Variants in DDX31 observed in about 807,000 individuals in gnomAD.
The protein encoded by DDX31 is DEAD-box helicase 31.
In DDX31, 70 loss-of-function variants were observed where a neutral mutation model predicts 91.3. The ratio of observed to expected loss-of-function variants is 0.77; its 90% CI spans 0.63 to 0.94. The LOEUF (loss-of-function observed/expected upper bound fraction) is 0.94, where lower values mean the gene tolerates loss of function less well. Among genes scored for constraint, DDX31 ranks in the 40% least tolerant of loss-of-function variants. The pLI is 0.00. For missense variants in DDX31, 902 were observed against 925.0 expected, an observed-to-expected ratio of 0.98 and a Z score of 0.32; for synonymous variants, 362 against 350.6, an observed-to-expected ratio of 1.03 and a Z score of -0.36.
chr9:132,668,729 A>C (rs533789221), intron 1 of DDX31, among the ~76,000 whole-genome samples: 24 of 151,952 alleles, frequency 1.6e-4, no homozygotes, highest in African/African-American at 2.4e-4. Flanking sequence ...CACCACGCCC[A>C]GCTAATTTTT....
intron 18 of DDX31, among the ~76,000 whole-genome samples, chr9:132,615,770 C>A (rs757550349): frequency 1.3e-5 from 2 of 152,160 alleles, no homozygotes; most frequent in Non-Finnish European, 2.9e-5. Flanking sequence ...GAATCCCTAG[C>A]TAAATGATGC....
At chr9:132,663,346 T>C in intron 1 of DDX31, 1 of 1,286,496 alleles carries the variant, frequency 7.8e-7, no homozygotes, top group Middle Eastern at 2.1e-4. Context: ...GCTCCATCCA[T>C]CACCTCTACC....
intron 19 of DDX31, 103 bp downstream of exon 19, chr9:132,611,984 G>A: frequency 6.9e-7 from 1 of 1,441,144 alleles, no homozygotes; most frequent in Non-Finnish European, 9.4e-7. Flanking sequence ...AGAAGGGCAG[G>A]TATGAGTGAG....
At chr9:132,658,916 C>T in intron 5 of DDX31, among the ~76,000 whole-genome samples, 181 bp from the exon 6 acceptor site, 1 of 152,180 alleles carries the variant, frequency 6.6e-6, no homozygotes, top group East Asian at 1.9e-4. Context: ...TGCCACAAAT[C>T]CCAATTTTGC....
intron 19 of DDX31, among the ~76,000 whole-genome samples, chr9:132,606,396 C>T (rs542027201): frequency 1.8e-4 from 27 of 152,270 alleles, no homozygotes; most frequent in Middle Eastern, 3.4e-3. Flanking sequence ...TTGAGGGACT[C>T]GGTTCCATGT....
At chr9:132,662,723 A>G in intron 1 of DDX31, 28 bp from the exon 2 acceptor site, 1 of 1,613,316 alleles carries the variant, frequency 6.2e-7, no homozygotes, top group Non-Finnish European at 8.5e-7. Flanking sequence ...GGAAAGATCA[A>G]CAAGAGATGC....
intron 14 of DDX31, 128 bp from the exon 15 acceptor site, chr9:132,632,219 A>G: frequency 4.8e-6 from 2 of 412,380 alleles, no homozygotes; most frequent in Non-Finnish European, 4.5e-6. Flanking sequence ...ATTCGGGCAT[A>G]CACGTATATG....
In DDX31 at chr9:132,632,297, CAG is replaced by C. The variant is rs1564306026; in HGVS notation, c.1441-208_1441-207del. 1.3e-4 allele frequency among the ~76,000 whole-genome samples: 17 copies of C among 132,420 alleles called. 1 individual carries two copies. Among genetic ancestry groups the C allele is most frequent in the African/African-American group, 4.5e-4 (15 of 33,200 alleles). The allele number at this position is 132,420 out of a possible 152,430, so 86.9% of individuals were successfully genotyped here. ...ACACACACACACACACACACACACA[CAG>C]TCCTGCATACAACTTCAGGGGGCTC... is the stretch of plus-strand genomic sequence containing the variant. On this transcript the variant is annotated intron_variant, in intron 14 of 19. Coordinates refer to ENST00000372159, the MANE Select transcript of DDX31 (RefSeq NM_022779.9).
intron 1 of DDX31, among the ~76,000 whole-genome samples, chr9:132,663,685 C>T (rs1235635894): frequency 2.6e-5 from 4 of 152,146 alleles, no homozygotes; most frequent in African/African-American, 7.2e-5. Flanking sequence ...TTTTACATGT[C>T]GGCTTTCTTT....
chr9:132,658,450 G>A (rs1834716400), intron 6 of DDX31: 1 of 690,374 alleles, frequency 1.4e-6, no homozygotes, highest in Non-Finnish European at 2.6e-6. Context: ...ATCTTACAAA[G>A]CTTCCCTGTT....
intron 14 of DDX31, among the ~76,000 whole-genome samples, chr9:132,636,700 G>A (rs1475770221): frequency 6.6e-6 from 1 of 152,170 alleles, no homozygotes; most frequent in African/African-American, 2.4e-5. Context: ...TGCGTGTGTT[G>A]GGGGAACCTC....
chr9:132,634,494 ACAC>A (rs997881830), intron 14 of DDX31, among the ~76,000 whole-genome samples: 9 of 151,128 alleles, frequency 6.0e-5, no homozygotes. Context: ...CTACATAACC[ACAC>A]CACCATTATC....
Position 132,669,950 on chromosome 9 carries a change from C to CGCGTGGTGCA in DDX31, c.-26_-17dup. 6.3e-7 allele frequency: 1 copy of CGCGTGGTGCA among 1,586,490 alleles called. No homozygotes were observed. The highest frequency in any genetic ancestry group is 8.6e-7 in the Non-Finnish European group (1 of 1,167,348). ...CGGCTGCCATGGTCTGCGTGGGTGA[C>CGCGTGGTGCA]GCGTGGTGCAGCAGCGAGCCCGGTG... On this transcript the variant is annotated 5_prime_UTR_variant, in exon 1 of 20. Coordinates refer to ENST00000372159, the MANE Select transcript of DDX31 (RefSeq NM_022779.9).
chr9:132,637,119 C>T (rs944371385), intron 14 of DDX31, among the ~76,000 whole-genome samples: 2 of 152,090 alleles, frequency 1.3e-5, no homozygotes, highest in Admixed American at 6.5e-5. Flanking sequence ...CTGTACTCTC[C>T]TCTTCCATCA....
At chr9:132,664,734 A>AAC (rs1554773629) in intron 1 of DDX31, among the ~76,000 whole-genome samples, 3 of 151,268 alleles carry the variant, frequency 2.0e-5, no homozygotes, top group South Asian at 2.1e-4. Context: ...AAAAAAAAAA[A>AAC]AAACTGTAAT....
intron 3 of DDX31, 51 bp from the exon 4 acceptor site, chr9:132,661,302 T>A: frequency 3.6e-6 from 5 of 1,381,360 alleles, no homozygotes; most frequent in East Asian, 2.3e-5. Context: ...ACAAAATATT[T>A]AACGGAAATT....
At chr9:132,630,592 C>T (rs1157663731) in intron 15 of DDX31, among the ~76,000 whole-genome samples, 189 bp from the exon 16 acceptor site, 2 of 152,188 alleles carry the variant, frequency 1.3e-5, no homozygotes, top group Non-Finnish European at 2.9e-5. Flanking sequence ...TAACAAGGCT[C>T]CGACAAGCAA....
chr9:132,663,314 T>C, intron 1 of DDX31: 4 of 1,289,094 alleles, frequency 3.1e-6, no homozygotes, highest in Non-Finnish European at 4.0e-6. Context: ...TACGCCCTGT[T>C]CCCATTCCAA....
At position 132,641,992 on chromosome 9, in the gene DDX31, G is replaced by A. The variant is rs1214907550; in HGVS notation, c.1440+12C>T. ...GTATCAGCCTTCACATGGAACACAGGAGGATACGTACCGTGCAAAGAAGGA... is the reference window on the plus strand; with the variant it reads ...GTATCAGCCTTCACATGGAACACAGAAGGATACGTACCGTGCAAAGAAGGA... On this transcript the variant is annotated intron_variant, in intron 14 of 19. Coordinates refer to ENST00000372159, the MANE Select transcript of DDX31 (RefSeq NM_022779.9). 1 of 1,612,640 alleles carries A rather than the reference G, an allele frequency of 6.2e-7. No homozygotes were observed. The highest frequency in any genetic ancestry group is 1.1e-5 in the South Asian group (1 of 91,064).
Sources: allele counts gnomAD v4.1 joint callset (sites outside exome capture counted in the v4.1 genomes callset), GRCh38; gene constraint gnomAD v4.1.1; transcripts MANE v1.5; gene names NCBI Gene and HGNC (gene_info 2026-07-23, HGNC 2026-07-21).